RPTOR: variants seen among roughly 807,000 people sequenced by gnomAD.
The protein encoded by RPTOR is regulatory associated protein of MTOR complex 1, also known as regulatory-associated protein of mTOR.
Under a neutral mutation model 169.9 loss-of-function variants are expected in RPTOR, and 21 were observed. That is an observed-to-expected ratio of 0.12 (90% CI 0.09 to 0.18). The LOEUF is 0.18. RPTOR is among the 10% of genes least tolerant of loss of function. The pLI, the probability that RPTOR is intolerant of heterozygous loss-of-function variation, is 1.00. For synonymous variants in RPTOR, 732 were observed against 753.2 expected (o/e 0.97, Z 0.46); for missense variants, 1,133 against 1,855.9 (o/e 0.61, Z 7.16).
At chr17:80,912,720 TA>T (rs1176786202) in intron 21 of RPTOR, among the ~76,000 whole-genome samples, 1 of 152,192 alleles carries the variant, frequency 6.6e-6, no homozygotes, top group African/African-American at 2.4e-5. Context: ...CCCACCACGG[TA>T]AGGCAGTTAA....
chr17:80,748,538 G>A (rs1441948986), intron 5 of RPTOR, among the ~76,000 whole-genome samples: 2 of 116,870 alleles, frequency 1.7e-5, no homozygotes, highest in Admixed American at 8.2e-5. Flanking sequence ...GGCCATGGCG[G>A]GAGGACCTGT....
At chr17:80,942,948 A>G (rs8075155) in intron 25 of RPTOR, among the ~76,000 whole-genome samples, 152,274 of 152,390 alleles carry the variant, frequency 1, 76,085 homozygotes, top group Non-Finnish European at 1. Context: ...TGGAGGCACC[A>G]CTAGGGTAAC....
Position 80,925,497 on chromosome 17 carries a change from G to A in RPTOR, c.2919+17G>A, listed in dbSNP as rs1334402498. The stretch of plus-strand genomic sequence containing the variant: ...GTCATGAAGGTGCGCCCGGGGTGTG[G>A]GGTTCAGAGTAGAGTCCTAGCGAAC... On this transcript the variant is annotated intron_variant, in intron 24 of 33. Transcript: ENST00000306801. 6.3e-7 allele frequency: 1 copy of A among 1,595,334 alleles called. No individual in the cohort carries two copies. The highest frequency in any genetic ancestry group is 1.1e-5 in the South Asian group (1 of 90,680).
intron 6 of RPTOR, among the ~76,000 whole-genome samples, chr17:80,791,168 G>A (rs1304574202): frequency 1.3e-5 from 2 of 152,108 alleles, no homozygotes; most frequent in Non-Finnish European, 2.9e-5. Flanking sequence ...TAAGCATCTC[G>A]GCGCTCCTCT....
chr17:80,795,121 G>C (rs1407029888), intron 7 of RPTOR, among the ~76,000 whole-genome samples: 1 of 152,204 alleles, frequency 6.6e-6, no homozygotes, highest in Admixed American at 6.5e-5. Flanking sequence ...CAGAGCAGAT[G>C]CAGCACACGG....
chr17:80,965,500 G>A lies in RPTOR; in HGVS notation c.*1170G>A, dbSNP rs1248048840. 4.3e-6 allele frequency: 1 copy of A among 233,404 alleles called. No homozygotes were observed. 14.5% of individuals were successfully genotyped at this position (233,404 alleles called of 1,614,324 possible). A position where few individuals can be genotyped will look rare whatever the true frequency, so the allele number is the denominator to read the frequency against. On this transcript the variant is annotated 3_prime_UTR_variant, in exon 34 of 34. Transcript: ENST00000306801. ...GCGTGTATGAGCAGTTTTGCAAACA[G>A]AACACAACCACAATGATGGTATTTT...
At chr17:80,700,476 TGATGATGGTGGTGGTGATGGTAGA>T (rs2066077893) in intron 3 of RPTOR, among the ~76,000 whole-genome samples, 1 of 121,530 alleles carries the variant, frequency 8.2e-6, no homozygotes, top group African/African-American at 4.5e-5. Flanking sequence ...GTGGTGGTGG[TGATGATGGTGGTGGTGATGGTAGA>T]GATGATGGTG....
intron 31 of RPTOR, 108 bp downstream of exon 31, chr17:80,961,588 G>A (rs867610544): frequency 3.0e-5 from 37 of 1,251,378 alleles, no homozygotes; most frequent in Admixed American, 2.9e-4. Context: ...ATGGCATTTC[G>A]GGCAGTAATT....
chr17:80,699,685 G>T (rs1329491026), intron 3 of RPTOR, among the ~76,000 whole-genome samples: 1 of 119,826 alleles, frequency 8.3e-6, no homozygotes, highest in Non-Finnish European at 1.7e-5. Flanking sequence ...GTGCCCTGGT[G>T]CAGTGATGGG....
intron 1 of RPTOR, among the ~76,000 whole-genome samples, chr17:80,551,983 G>A (rs968473175): frequency 6.6e-6 from 1 of 152,046 alleles, no homozygotes; most frequent in Non-Finnish European, 1.5e-5. Flanking sequence ...ATCTTGCACC[G>A]CCCTTAATCC....
In RPTOR at chr17:80,754,902, G is replaced by A. The variant is rs534684581; in HGVS notation, c.830+717G>A. On this transcript the variant is annotated intron_variant, in intron 6 of 33. Transcript: ENST00000306801. The surrounding 1 kb of genome is among the most constrained non-coding windows in gnomAD (Gnocchi z 4.2). ...TCCCTTGAGGTGCCGTGCGAATGGTGCAGCTGTGCAGCAGACACCGTGCTG... is the reference window on the plus strand; with the variant it reads ...TCCCTTGAGGTGCCGTGCGAATGGTACAGCTGTGCAGCAGACACCGTGCTG... Among the ~76,000 whole-genome samples, 23 of 152,238 alleles carry A rather than the reference G, an allele frequency of 1.5e-4. No individual in the cohort carries two copies. The highest frequency in any genetic ancestry group is 3.1e-4 in the Non-Finnish European group (21 of 68,034).
intron 7 of RPTOR, among the ~76,000 whole-genome samples, chr17:80,797,878 G>A (rs562681983): frequency 5.9e-5 from 9 of 152,210 alleles, no homozygotes; most frequent in Non-Finnish European, 8.8e-5. Flanking sequence ...GTTAACTCCC[G>A]TAACGCTAGC....
At chr17:80,799,723 G>GCACACCCCTTCCCTCCCCA (rs2067137050) in intron 7 of RPTOR, among the ~76,000 whole-genome samples, 1 of 148,632 alleles carries the variant, frequency 6.7e-6, no homozygotes, top group African/African-American at 2.6e-5. Context: ...TCCCCTCCCT[G>GCACACCCCTTCCCTCCCCA]GCGGCCGCCC....
intron 3 of RPTOR, among the ~76,000 whole-genome samples, chr17:80,662,612 G>C (rs2065733371): frequency 6.6e-6 from 1 of 152,068 alleles, no homozygotes; most frequent in Non-Finnish European, 1.5e-5. Flanking sequence ...AACATCTCCA[G>C]TCTTAGGTTT....
At chr17:80,686,172 T>C (rs578095059) in intron 3 of RPTOR, among the ~76,000 whole-genome samples, 14 of 149,910 alleles carry the variant, frequency 9.3e-5, no homozygotes, top group South Asian at 2.1e-4. Context: ...TAAACTCACC[T>C]GAGCTTCATA....
At chr17:80,770,861 T>C (rs2066835862) in intron 6 of RPTOR, among the ~76,000 whole-genome samples, 1 of 152,186 alleles carries the variant, frequency 6.6e-6, no homozygotes, top group Admixed American at 6.5e-5. Flanking sequence ...CCCACCCACC[T>C]CTTTCCTTAA....
intron 20 of RPTOR, among the ~76,000 whole-genome samples, chr17:80,898,694 T>G (rs1436654469): frequency 3.1e-5 from 1 of 31,926 alleles, no homozygotes; most frequent in East Asian, 1.2e-3. Context: ...CCGCCCCGAC[T>G]CCCCCCGCCC....
chr17:80,757,105 A>G (rs2143349148), intron 6 of RPTOR, among the ~76,000 whole-genome samples: 1 of 152,304 alleles, frequency 6.6e-6, no homozygotes, highest in East Asian at 1.9e-4. Flanking sequence ...TGGGAAACAG[A>G]AAAGCCAGGA....
chr17:80,743,147 TCCTTGTTAACAGAATTGGAAC>T, intron 5 of RPTOR: 3 of 824,992 alleles, frequency 3.6e-6, no homozygotes, highest in Non-Finnish European at 2.9e-6. Flanking sequence ...TTCCCTCTCC[TCCTTGTTAACAGAATTGGAAC>T]CCTTCCTGTC....
Sources: gnomAD v4.1 joint callset for allele counts (sites outside exome capture counted in the v4.1 genomes callset) on GRCh38, gnomAD v4.1.1 for gene constraint, Gnocchi (gnomAD v3.1) non-coding constraint, MANE v1.5 for transcripts, NCBI Gene and HGNC (gene_info 2026-07-23, HGNC 2026-07-21) for gene names.